Variants in ZBTB43 observed in about 807,000 individuals in gnomAD.
The protein encoded by ZBTB43 is zinc finger and BTB domain-containing protein 43.
Under a neutral mutation model 31.1 loss-of-function variants are expected in ZBTB43, and 6 were observed. The observed-to-expected ratio is 0.19, with a 90% CI of 0.11 to 0.38. The LOEUF (loss-of-function observed/expected upper bound fraction) is 0.38, where lower values mean the gene tolerates loss of function less well. Among genes scored for constraint, ZBTB43 ranks in the 10% least tolerant of loss-of-function variants. The probability of loss-of-function intolerance (pLI) is 1.00; values close to 1 mark genes in which losing one functional copy is unlikely to be tolerated. For synonymous variants in ZBTB43, 212 were observed against 221.7 expected (o/e 0.96, Z 0.39); for missense variants, 379 against 602.1 (o/e 0.63, Z 3.88).
At chr9:126,820,128 A>G (rs1256106338) in intron 2 of ZBTB43, among the ~76,000 whole-genome samples, 4 of 152,268 alleles carry the variant, frequency 2.6e-5, no homozygotes, top group Non-Finnish European at 4.4e-5. Context: ...TGTAGAAACT[A>G]TAGCAAGCTA....
At chr9:126,819,339 T>G (rs1457620770) in intron 2 of ZBTB43, among the ~76,000 whole-genome samples, 1 of 149,462 alleles carries the variant, frequency 6.7e-6, no homozygotes, top group Non-Finnish European at 1.5e-5. Context: ...ATTAAGGAAG[T>G]CTATCAGCAT....
Position 126,835,049 on chromosome 9 carries a change from G to A in ZBTB43, c.*1136G>A, listed in dbSNP as rs2032851439. On this transcript the variant is annotated 3_prime_UTR_variant, in exon 3 of 3. Coordinates refer to ENST00000373464, the MANE Select transcript of ZBTB43 (RefSeq NM_014007.4). The stretch of plus-strand genomic sequence containing the variant: ...TTGAGAATACACTCTTTCAAGGTGG[G>A]GGAGATACTCTTTAGAGGGTACACT... The A allele has an allele frequency of 6.0e-6, 1 of 166,990 alleles. No individual in the cohort carries two copies. The allele number at this position is 166,990 out of a possible 1,614,324, so 10.3% of individuals were successfully genotyped here.
At position 126,833,050 on chromosome 9, in the gene ZBTB43, A is replaced by C. The variant is rs1164027560; in HGVS notation, c.541A>C (p.Thr181Pro). Residue 181 changes from threonine (T) to proline (P), a missense_variant, in exon 3 of 3, where the codon ACC becomes CCC. This residue lies in a region of ZBTB43 where 253 missense variants were observed against 322.3 expected (regional missense o/e 0.79). Transcript: ENST00000373464. The surrounding 1 kb of genome is among the most constrained non-coding windows in gnomAD (Gnocchi z 7.9). ...AGATGGTGAAAATGAAGAGGAGAGC[A>C]CCAAAGACGAGCTGTCATCCCAGCT... ...LRDGENEEES[T>P]KDELSSQLTE... 1 of 1,614,032 alleles carries C rather than the reference A, an allele frequency of 6.2e-7. No homozygotes were observed. Among genetic ancestry groups the C allele is most frequent in the East Asian group, 2.2e-5 (1 of 44,870 alleles).
chr9:126,836,422 A>G lies in ZBTB43; in HGVS notation c.*2509A>G, dbSNP rs1207567807. ...TTTTGTGGTATTTGAGGTTTTGGCA[A>G]AAATTGGGATTTTTTTATCAGGCAG... is the stretch of plus-strand genomic sequence containing the variant. On this transcript the variant is annotated 3_prime_UTR_variant, in exon 3 of 3. Coordinates refer to ENST00000373464, the MANE Select transcript of ZBTB43 (RefSeq NM_014007.4). The G allele has an allele frequency of 6.0e-6, 1 of 167,096 alleles. No individual in the cohort carries two copies. Among genetic ancestry groups the G allele is most frequent in the Admixed American group, 6.5e-5 (1 of 15,292 alleles). 10.4% of individuals were successfully genotyped at this position (167,096 alleles called of 1,614,324 possible).
intron 2 of ZBTB43, among the ~76,000 whole-genome samples, chr9:126,817,614 T>A (rs2032417513): frequency 1.3e-5 from 2 of 151,866 alleles, no homozygotes. Context: ...CAGCTGGGAC[T>A]ACAGGTGCCT....
rs1168808589 is a variant in ZBTB43, at chr9:126,833,578, A to C, written c.1069A>C (p.Ile357Leu). ...TGAGAATATTGAAATGGTAACAGGG[A>C]TTAAAGAAGAAGCTTCCCACTTAGG... ...YSENIEMVTG[I>L]KEEASHLGFS... Residue 357 changes from isoleucine to leucine, a missense_variant, in exon 3 of 3, where the codon ATT becomes CTT. Coordinates refer to ENST00000373464, the MANE Select transcript of ZBTB43 (RefSeq NM_014007.4). This position sits in a 1 kb window ranked among gnomAD's most constrained non-coding sequence, Gnocchi z 7.9. 6.2e-7 allele frequency: 1 copy of C among 1,614,106 alleles called. No individual in the cohort carries two copies. The highest frequency in any genetic ancestry group is 8.5e-7 in the Non-Finnish European group (1 of 1,179,990).
In ZBTB43 at chr9:126,837,922, G is replaced by A. The variant is rs954191573; in HGVS notation, c.*4009G>A. 4.8e-5 allele frequency: 8 copies of A among 165,222 alleles called. No homozygotes were observed. Among genetic ancestry groups the A allele is most frequent in the Non-Finnish European group, 8.8e-5 (6 of 67,854 alleles). 10.2% of individuals were successfully genotyped at this position (165,222 alleles called of 1,614,324 possible). On this transcript the variant is annotated 3_prime_UTR_variant, in exon 3 of 3. Coordinates refer to ENST00000373464, the MANE Select transcript of ZBTB43 (RefSeq NM_014007.4). Reference sequence around the variant, plus strand: ...TCTTTCCTTTTGTGAGGTTCCCAATGTTTCGTCCAGAAAAGTACTTTATTT... The same window carrying A: ...TCTTTCCTTTTGTGAGGTTCCCAATATTTCGTCCAGAAAAGTACTTTATTT...
upstream of ZBTB43, among the ~76,000 whole-genome samples, chr9:126,804,815 C>T (rs569422925): frequency 6.6e-6 from 1 of 152,328 alleles, no homozygotes; most frequent in East Asian, 1.9e-4. Flanking sequence ...GTTTAGAACT[C>T]AGTATCTGCT....
At chr9:126,819,744 G>A (rs2032470859) in intron 2 of ZBTB43, among the ~76,000 whole-genome samples, 1 of 152,166 alleles carries the variant, frequency 6.6e-6, no homozygotes, top group African/African-American at 2.4e-5. Context: ...TAGTGAGGAA[G>A]GCATATCAAA....
intron 2 of ZBTB43, among the ~76,000 whole-genome samples, chr9:126,819,734 T>C (rs76776560): frequency 0.076 from 11,602 of 152,166 alleles, 661 homozygotes; most frequent in Non-Finnish European, 0.11. Context: ...TGACTAAGCT[T>C]AGTGAGGAAG....
At chr9:126,810,360 A>T (rs1278038232) in intron 2 of ZBTB43, among the ~76,000 whole-genome samples, 1 of 151,176 alleles carries the variant, frequency 6.6e-6, no homozygotes, top group African/African-American at 2.4e-5. Context: ...ATGCCCAGCT[A>T]ATTTTGTATT....
At chr9:126,829,693 AT>A (rs5900724) in intron 2 of ZBTB43, among the ~76,000 whole-genome samples, 116,624 of 150,346 alleles carry the variant, frequency 0.78, 45,278 homozygotes, top group East Asian at 0.97. Flanking sequence ...GATGGGAGAG[AT>A]TTTTTTTTTT....
chr9:126,813,373 G>A (rs1305213155), intron 2 of ZBTB43, among the ~76,000 whole-genome samples: 1 of 152,184 alleles, frequency 6.6e-6, no homozygotes, highest in African/African-American at 2.4e-5. Flanking sequence ...TCCGTCAGCA[G>A]ATCAACCTTC....
At position 126,835,299 on chromosome 9, in the gene ZBTB43, A is replaced by G. The variant is rs1174408961; in HGVS notation, c.*1386A>G. 6.0e-6 allele frequency: 1 copy of G among 167,110 alleles called. No individual in the cohort carries two copies. Among genetic ancestry groups the G allele is most frequent in the African/African-American group, 2.4e-5 (1 of 41,458 alleles). The allele number at this position is 167,110 out of a possible 1,614,324, so 10.4% of individuals were successfully genotyped here. On this transcript the variant is annotated 3_prime_UTR_variant, in exon 3 of 3. Coordinates refer to ENST00000373464, the MANE Select transcript of ZBTB43 (RefSeq NM_014007.4). Reference sequence around the variant, plus strand: ...GCCCATCAGTTAGATGATTTAGGTTAAAAAGAAAGGTAATATTGCACATGC... The same window carrying G: ...GCCCATCAGTTAGATGATTTAGGTTGAAAAGAAAGGTAATATTGCACATGC...
intron 2 of ZBTB43, among the ~76,000 whole-genome samples, chr9:126,813,855 C>T (rs1204228243): frequency 6.6e-6 from 1 of 152,062 alleles, no homozygotes; most frequent in African/African-American, 2.4e-5. Flanking sequence ...TCCCCCTCTA[C>T]TTTTTACATT....
Position 126,833,292 on chromosome 9 carries a change from C to T in ZBTB43, c.783C>T (p.His261=), listed in dbSNP as rs761412237. The T allele has an allele frequency of 1.9e-6, 3 of 1,613,106 alleles. No individual in the cohort carries two copies. The highest frequency in any genetic ancestry group is 2.5e-6 in the Non-Finnish European group (3 of 1,179,666). The change falls in exon 3 of 3, where the codon CAC becomes CAT. Residue 261 remains histidine (H), a synonymous_variant. Transcript: ENST00000373464. The surrounding 1 kb of genome is among the most constrained non-coding windows in gnomAD (Gnocchi z 7.9). The part of the protein sequence containing the change: ...LEQACEGMDV[H]ATYDEHQVTE... The stretch of plus-strand genomic sequence containing the variant: ...AGGCTTGCGAGGGCATGGATGTGCA[C>T]GCGACCTACGACGAGCACCAGGTCA...
chr9:126,817,094 C>A, intron 2 of ZBTB43, among the ~76,000 whole-genome samples: 1 of 137,074 alleles, frequency 7.3e-6, no homozygotes, highest in African/African-American at 3.0e-5. Context: ...CCCATTTCCA[C>A]TGTATCTTTT....
chr9:126,812,510 G>A (rs1268956295), intron 2 of ZBTB43, among the ~76,000 whole-genome samples: 1 of 152,144 alleles, frequency 6.6e-6, no homozygotes, highest in Non-Finnish European at 1.5e-5. Context: ...CACAGTAGCT[G>A]TACCATTTTA....
intron 2 of ZBTB43, among the ~76,000 whole-genome samples, chr9:126,812,375 T>A (rs187033780): frequency 6.6e-6 from 1 of 151,764 alleles, no homozygotes; most frequent in East Asian, 1.9e-4. Context: ...TTATGAACAT[T>A]CATGTACGAG....
Sources: allele counts gnomAD v4.1 joint callset (sites outside exome capture counted in the v4.1 genomes callset), GRCh38; gene constraint gnomAD v4.1.1; regional missense constraint gnomAD v4.1.1; non-coding constraint Gnocchi (gnomAD v3.1); transcripts MANE v1.5; gene names NCBI Gene and HGNC (gene_info 2026-07-23, HGNC 2026-07-21).